The following ZNF385D variants were observed in gnomAD, a reference collection of about 807,000 sequenced individuals.
ZNF385D encodes the protein zinc finger protein 385D, also known as zinc finger protein 659.
In ZNF385D, 15 loss-of-function variants were observed where a neutral mutation model predicts 35.8. The ratio of observed to expected loss-of-function variants is 0.42; its 90% CI spans 0.28 to 0.64. The LOEUF is 0.64. Among genes scored for constraint, ZNF385D ranks in the 30% least tolerant of loss-of-function variants. The pLI, the probability that ZNF385D is intolerant of heterozygous loss-of-function variation, is 0.23. For synonymous variants in ZNF385D, 212 were observed against 186.8 expected (o/e 1.13, Z -1.10); for missense variants, 474 against 494.6 (o/e 0.96, Z 0.39).
At chr3:21,577,055 GAACTT>G (rs2063516680) in intron 2 of ZNF385D, among the ~76,000 whole-genome samples, 4 of 152,116 alleles carry the variant, frequency 2.6e-5, no homozygotes, top group Admixed American at 2.6e-4. Context: ...TACAGAATAA[GAACTT>G]AATCTATATC....
At chr3:22,336,279 G>C (rs967522296) in intron 2 of ZNF385D, among the ~76,000 whole-genome samples, 25 of 152,092 alleles carry the variant, frequency 1.6e-4, no homozygotes, top group African/African-American at 5.8e-4. Context: ...ATTTAAAGTA[G>C]AGCTGTTCTT....
rs144682292 is a variant in ZNF385D, at chr3:21,758,036, T to C, written c.326-93008A>G. Among the ~76,000 whole-genome samples, 411 of 152,342 alleles carry C rather than the reference T, an allele frequency of 2.7e-3. 5 individuals are homozygous for C. The highest frequency in any genetic ancestry group is 0.014 in the Middle Eastern group (4 of 294). On this transcript the variant is annotated intron_variant, in intron 3 of 5. Transcript: ENST00000494108. ...GCCCTTTTCTGTTCCCCTTTATTTG[T>C]CTTACAAGTTTTATTCACTACCTGA... is the stretch of plus-strand genomic sequence containing the variant.
At chr3:21,604,299 C>G (rs2064409375) in intron 2 of ZNF385D, among the ~76,000 whole-genome samples, 1 of 152,090 alleles carries the variant, frequency 6.6e-6, no homozygotes, top group African/African-American at 2.4e-5. Flanking sequence ...CAAAAGTGTC[C>G]TAGAGCTCAG....
chr3:21,623,997 T>C (rs181421482), intron 2 of ZNF385D, among the ~76,000 whole-genome samples: 41 of 152,194 alleles, frequency 2.7e-4, no homozygotes, highest in Admixed American at 1.1e-3. Context: ...TGACGACTTA[T>C]GGTAGTTTGC....
chr3:21,620,902 A>G (rs1377200608), intron 2 of ZNF385D, among the ~76,000 whole-genome samples: 3 of 152,186 alleles, frequency 2.0e-5, no homozygotes, highest in African/African-American at 7.2e-5. Flanking sequence ...CAAAATCATC[A>G]TAAGTGAATT....
At chr3:21,960,673 AT>A (rs1702538957) in intron 3 of ZNF385D, among the ~76,000 whole-genome samples, 1 of 152,166 alleles carries the variant, frequency 6.6e-6, no homozygotes, top group Non-Finnish European at 1.5e-5. Context: ...TCGCTAAGAT[AT>A]GGAGTTAACC....
intron 3 of ZNF385D, among the ~76,000 whole-genome samples, chr3:22,042,534 C>A (rs1220705992): frequency 6.6e-6 from 1 of 152,058 alleles, no homozygotes; most frequent in African/African-American, 2.4e-5. Flanking sequence ...TCACATAATT[C>A]TTTTACAACA....
intron 3 of ZNF385D, among the ~76,000 whole-genome samples, chr3:22,063,961 C>A (rs780209570): frequency 1.3e-5 from 2 of 152,194 alleles, no homozygotes; most frequent in Admixed American, 1.3e-4. Flanking sequence ...GTTATTAATC[C>A]TGAGAGCATG....
At chr3:22,248,414 T>C (rs541622264) in intron 2 of ZNF385D, among the ~76,000 whole-genome samples, 37 of 152,272 alleles carry the variant, frequency 2.4e-4, no homozygotes, top group African/African-American at 8.2e-4. Context: ...GAGAAGAAAG[T>C]AGATATTATA....
intron 2 of ZNF385D, among the ~76,000 whole-genome samples, chr3:21,635,215 T>C (rs979566928): frequency 6.6e-6 from 1 of 152,080 alleles, no homozygotes; most frequent in Non-Finnish European, 1.5e-5. Context: ...GCTTCTATCA[T>C]CGTAGAATGA....
intron 2 of ZNF385D, among the ~76,000 whole-genome samples, chr3:21,603,691 CAA>C (rs755713887): frequency 1.3e-5 from 2 of 151,844 alleles, no homozygotes; most frequent in Non-Finnish European, 2.9e-5. Flanking sequence ...GAAAGTATAA[CAA>C]AAAAAGTACA....
intron 3 of ZNF385D, among the ~76,000 whole-genome samples, chr3:21,815,689 T>C (rs2073116444): frequency 6.6e-6 from 1 of 152,258 alleles, no homozygotes; most frequent in East Asian, 1.9e-4. Flanking sequence ...TAATAATTAA[T>C]AGCCTACCAA....
intron 1 of ZNF385D, among the ~76,000 whole-genome samples, chr3:21,695,122 A>G (rs1427530884): frequency 6.6e-6 from 1 of 152,178 alleles, no homozygotes; most frequent in African/African-American, 2.4e-5. Flanking sequence ...ATGAACATAT[A>G]TTTGCCATCA....
chr3:21,812,057 A>G (rs922475707), intron 3 of ZNF385D, among the ~76,000 whole-genome samples: 1 of 152,248 alleles, frequency 6.6e-6, no homozygotes, highest in Non-Finnish European at 1.5e-5. Context: ...ATCAGTTTAT[A>G]GAAAACACAA....
intron 3 of ZNF385D, among the ~76,000 whole-genome samples, chr3:21,905,487 A>G (rs1699638118): frequency 6.6e-6 from 1 of 151,906 alleles, no homozygotes; most frequent in Non-Finnish European, 1.5e-5. Context: ...CAACTTAAGA[A>G]GGGCTGATAG....
chr3:22,025,324 C>A (rs937079860), intron 3 of ZNF385D, among the ~76,000 whole-genome samples: 2 of 152,112 alleles, frequency 1.3e-5, no homozygotes, highest in Admixed American at 6.6e-5. Context: ...GAAGCCACCC[C>A]CAAAACCTCT....
chr3:22,358,834 T>C (rs1042308808), intron 2 of ZNF385D, among the ~76,000 whole-genome samples: 9 of 151,666 alleles, frequency 5.9e-5, no homozygotes, highest in Non-Finnish European at 8.9e-5. Flanking sequence ...CTGAACAGCA[T>C]TGATAATGGA....
intron 3 of ZNF385D, among the ~76,000 whole-genome samples, chr3:22,119,919 T>A (rs1031108390): frequency 2.0e-5 from 3 of 151,872 alleles, no homozygotes; most frequent in Non-Finnish European, 4.4e-5. Context: ...ATGACTTTGG[T>A]GATCCTCCTG....
chr3:22,199,211 C>T (rs193119505), intron 2 of ZNF385D, among the ~76,000 whole-genome samples: 1 of 152,240 alleles, frequency 6.6e-6, no homozygotes, highest in East Asian at 1.9e-4. Flanking sequence ...CCCCTCCACC[C>T]TGCTTTTCCA....
Sources: allele counts gnomAD v4.1 joint callset (sites outside exome capture counted in the v4.1 genomes callset), GRCh38; gene constraint gnomAD v4.1.1; transcripts MANE v1.5; gene names NCBI Gene and HGNC (gene_info 2026-07-23, HGNC 2026-07-21).